SCAF11: variants seen among roughly 807,000 people sequenced by gnomAD.
SCAF11 encodes the protein SR-related CTD associated factor 11.
Under a neutral mutation model 140.5 loss-of-function variants are expected in SCAF11, and 47 were observed. The ratio of observed to expected loss-of-function variants is 0.33; its 90% confidence interval spans 0.26 to 0.43. The LOEUF is 0.43. Among genes scored for constraint, SCAF11 ranks in the 20% least tolerant of loss-of-function variants. The probability of loss-of-function intolerance (pLI) is 1.00; values close to 1 mark genes in which losing one functional copy is unlikely to be tolerated. For missense variants in SCAF11, 1,645 were observed against 1,705.1 expected (o/e 0.96, Z 0.62); for synonymous variants, 557 against 579.4 (o/e 0.96, Z 0.55).
At position 45,926,177 on chromosome 12, in the gene SCAF11, C is replaced by T. The variant is rs2136502008; in HGVS notation, c.3524G>A (p.Gly1175Glu). ...TGTTTCCTCCTCTTGTTTCATCCATCCAGACTGTGGACCTGAAGAATTTCT... is the reference window on the plus strand; with the variant it reads ...TGTTTCCTCCTCTTGTTTCATCCATTCAGACTGTGGACCTGAAGAATTTCT... ...RGRNSSGPQSGWMKQEEETSG... is the reference protein window; with the variant it reads ...RGRNSSGPQSEWMKQEEETSG... Residue 1175 changes from glycine to glutamate, a missense_variant, in exon 11 of 15, where the codon GGA (glycine) becomes GAA (glutamate). Around this residue, in one of 2 missense-constraint regions of SCAF11, gnomAD observed 1,582 missense variants for 1,609.2 expected, o/e 0.98. Transcript: ENST00000369367. 1 of 1,614,026 alleles carries T rather than the reference C, an allele frequency of 6.2e-7. No individual in the cohort carries two copies. The highest frequency in any genetic ancestry group is 8.5e-7 in the Non-Finnish European group (1 of 1,179,914).
At chr12:45,943,367 T>C (rs1945349164) in intron 6 of SCAF11, among the ~76,000 whole-genome samples, 1 of 152,182 alleles carries the variant, frequency 6.6e-6, no homozygotes, top group South Asian at 2.1e-4. Context: ...GATGAAATCT[T>C]GTGTCACTCT....
chr12:45,926,699 T>C lies in SCAF11; in HGVS notation c.3002A>G (p.Asn1001Ser), dbSNP rs755364217. 1.2e-6 allele frequency: 2 copies of C among 1,613,152 alleles called. No individual in the cohort carries two copies. The highest frequency in any genetic ancestry group is 2.2e-5 in the South Asian group (2 of 90,932). ...KQNENTRKEK[N>S]DIHLDADDPN... Reference sequence around the variant, plus strand: ...ATCATCAGCATCTAGATGGATGTCATTTTTTTCTTTTCTTGTATTTTCATT... The same window carrying C: ...ATCATCAGCATCTAGATGGATGTCACTTTTTTCTTTTCTTGTATTTTCATT... Residue 1001 changes from asparagine (N) to serine (S), a missense_variant, in exon 11 of 15, where the codon AAT becomes AGT. Coordinates refer to ENST00000369367, the MANE Select transcript of SCAF11 (RefSeq NM_004719.3).
At chr12:45,930,632 A>G (rs1367735591) in intron 10 of SCAF11, among the ~76,000 whole-genome samples, 5 of 152,044 alleles carry the variant, frequency 3.3e-5, no homozygotes, top group South Asian at 2.1e-4. Context: ...TACTATATTT[A>G]ATTTTACACA....
At chr12:45,958,334 C>CA (rs1945747823) in intron 3 of SCAF11, among the ~76,000 whole-genome samples, 1 of 152,148 alleles carries the variant, frequency 6.6e-6, no homozygotes. Context: ...CTAAAGTATG[C>CA]AAACTCAGAT....
chr12:45,928,775 C>T lies in SCAF11; in HGVS notation c.926G>A (p.Gly309Glu). The T allele has an allele frequency of 1.2e-6, 2 of 1,613,632 alleles. No individual in the cohort carries two copies. The highest frequency in any genetic ancestry group is 2.2e-5 in the East Asian group (1 of 44,862). ...TGTCATTGCAGGTTTTCGTCTTGAT[C>T]CTCTGGTATTTGATGTACCAGAAGT... ...KQTSGTSNTR[G>E]SRRKPAMTTP... is the part of the protein sequence containing the mutation. The change falls in exon 11 of 15, where the codon GGA (glycine) becomes GAA (glutamate). Residue 309 changes from glycine to glutamate, a missense_variant. By Grantham distance (98) the Gly-to-Glu change is moderately conservative. Around this residue, in one of 2 missense-constraint regions of SCAF11, gnomAD observed 1,582 missense variants for 1,609.2 expected, o/e 0.98. Transcript: ENST00000369367.
intron 1 of SCAF11, among the ~76,000 whole-genome samples, chr12:45,978,816 A>C (rs1358789064): frequency 6.6e-6 from 1 of 152,218 alleles, no homozygotes; most frequent in Non-Finnish European, 1.5e-5. Flanking sequence ...AAAATTGTGT[A>C]GGGCACAGAA....
upstream of SCAF11, among the ~76,000 whole-genome samples, chr12:45,991,106 TGC>T (rs1461649962): frequency 6.6e-6 from 1 of 152,250 alleles, no homozygotes; most frequent in Non-Finnish European, 1.5e-5. Context: ...TTCACCTGGC[TGC>T]GCTGCCCACC....
chr12:45,943,635 G>A (rs1219300088), intron 6 of SCAF11, among the ~76,000 whole-genome samples: 1 of 152,122 alleles, frequency 6.6e-6, no homozygotes, highest in Non-Finnish European at 1.5e-5. Flanking sequence ...CCATGGACAA[G>A]GGGTAACTAC....
chr12:45,970,068 GTA>G (rs1314028278), intron 1 of SCAF11, among the ~76,000 whole-genome samples: 1 of 152,186 alleles, frequency 6.6e-6, no homozygotes, highest in East Asian at 1.9e-4. Context: ...GCTAATTTTT[GTA>G]TTTTTAGGAG....
chr12:45,925,037 A>G lies in SCAF11; in HGVS notation c.3597T>C (p.Asp1199=). The change falls in exon 12 of 15, where the codon GAT becomes GAC. Residue 1199 remains aspartate, a synonymous_variant. Transcript: ENST00000369367. ...SLKDQTNQQV[D]GSQLPINMMQ... ...TCATATTTATAGGTAGCTGAGAACC[A>G]TCAACTTGCTGGTTTGTTTGGTCTT... 1 of 1,613,608 alleles carries G rather than the reference A, an allele frequency of 6.2e-7. No homozygotes were observed. Among genetic ancestry groups the G allele is most frequent in the Non-Finnish European group, 8.5e-7 (1 of 1,179,482 alleles).
chr12:45,922,912 G>A, intron 13 of SCAF11, 24 bp downstream of exon 13: 9 of 1,596,448 alleles, frequency 5.6e-6, no homozygotes, highest in Non-Finnish European at 6.9e-6. Flanking sequence ...GAATTATGAA[G>A]GTTGCTCTCA....
upstream of SCAF11, among the ~76,000 whole-genome samples, chr12:45,991,240 G>A (rs1218198227): frequency 6.6e-6 from 1 of 152,180 alleles, no homozygotes; most frequent in Admixed American, 6.5e-5. Flanking sequence ...GAGCCTAGGG[G>A]CTTTCCCATG....
At chr12:45,964,231 C>T (rs1945889512) in intron 1 of SCAF11, 43 bp from the exon 2 acceptor site, 2 of 888,604 alleles carry the variant, frequency 2.3e-6, no homozygotes, top group Non-Finnish European at 3.5e-6. Context: ...TTTGCCTTCT[C>T]CCAATAATAT....
At chr12:45,957,833 C>T (rs1481487128) in intron 3 of SCAF11, among the ~76,000 whole-genome samples, 1 of 152,008 alleles carries the variant, frequency 6.6e-6, no homozygotes, top group Non-Finnish European at 1.5e-5. Context: ...AAACCATGAC[C>T]TTATTTTAAG....
At chr12:45,953,068 A>G (rs1027865171) in intron 3 of SCAF11, among the ~76,000 whole-genome samples, 1 of 152,208 alleles carries the variant, frequency 6.6e-6, no homozygotes, top group African/African-American at 2.4e-5. Flanking sequence ...GTGGGCTTCA[A>G]TGGGAAAAAA....
At chr12:45,950,371 G>T (rs1383584260) in intron 4 of SCAF11, among the ~76,000 whole-genome samples, 1 of 152,156 alleles carries the variant, frequency 6.6e-6, no homozygotes, top group East Asian at 1.9e-4. Flanking sequence ...CATGTGCCAA[G>T]AAATACCTTT....
At chr12:45,954,438 T>C (rs987961221) in intron 3 of SCAF11, among the ~76,000 whole-genome samples, 19 of 152,116 alleles carry the variant, frequency 1.2e-4, no homozygotes, top group African/African-American at 4.1e-4. Flanking sequence ...GGTTTTACCA[T>C]GTTGCCCAGG....
At chr12:45,964,595 A>G (rs1945900243) in intron 1 of SCAF11, among the ~76,000 whole-genome samples, 1 of 151,654 alleles carries the variant, frequency 6.6e-6, no homozygotes, top group Non-Finnish European at 1.5e-5. Flanking sequence ...TGAACCTGGG[A>G]GGCAAAGCTT....
In SCAF11 at chr12:45,960,076, T is replaced by G. The variant is rs11574960; in HGVS notation, c.219+1624A>C. ...CAACTTAAAAATATTCAACAAGAGT[T>G]AAAAATATAGACAAGTTTGCCACTG... On this transcript the variant is annotated intron_variant, in intron 3 of 14. Transcript: ENST00000369367. Among the ~76,000 whole-genome samples, 2,813 of 152,196 alleles carry G rather than the reference T, an allele frequency of 0.018. 151 individuals are homozygous for G. In the East Asian group the frequency reaches 0.22, roughly 12 times the overall value.
Sources: allele counts gnomAD v4.1 joint callset (sites outside exome capture counted in the v4.1 genomes callset), GRCh38; gene constraint gnomAD v4.1.1; regional missense constraint gnomAD v4.1.1; transcripts MANE v1.5; gene names NCBI Gene and HGNC (gene_info 2026-07-23, HGNC 2026-07-21).